Variants in VWA8 observed in about 807,000 individuals in gnomAD.
VWA8 encodes von Willebrand factor A domain containing 8.
In VWA8, 221 loss-of-function variants were observed where a neutral mutation model predicts 241.5. That is an observed-to-expected ratio of 0.91 (90% CI 0.82 to 1.02). VWA8 has a LOEUF of 1.02. Ranked by LOEUF, VWA8 falls within the 50% of genes least tolerant of loss-of-function variation. The pLI, the probability that VWA8 is intolerant of heterozygous loss-of-function variation, is 0.00. For synonymous variants in VWA8, 852 were observed against 827.1 expected, an observed-to-expected ratio of 1.03 and a Z score of -0.52; for missense variants, 2,322 against 2,328.7, an observed-to-expected ratio of 1.00 and a Z score of 0.06.
At chr13:41,732,506 T>TA (rs2045493027) in intron 21 of VWA8, among the ~76,000 whole-genome samples, 1 of 150,182 alleles carries the variant, frequency 6.7e-6, no homozygotes, top group Non-Finnish European at 1.5e-5. Context: ...ATATATGTAT[T>TA]ATATAATATT....
chr13:41,611,712 G>C lies in VWA8; in HGVS notation c.4741C>G (p.Leu1581Val). The C allele has an allele frequency of 6.2e-7, 1 of 1,614,008 alleles. No individual in the cohort carries two copies. Among genetic ancestry groups the C allele is most frequent in the Non-Finnish European group, 8.5e-7 (1 of 1,179,932 alleles). Reference sequence around the variant, plus strand: ...CGGTAAGGGCCTCCTTTGCCACCCAGGCCTGCCGTGTCTCTTCCCCCTGGA... The same window carrying C: ...CGGTAAGGGCCTCCTTTGCCACCCACGCCTGCCGTGTCTCTTCCCCCTGGA... ...GGTGGRDTAG[L>V]GGKGGPYRLD... The change falls in exon 39 of 45, where the codon CTG becomes GTG. Residue 1581 changes from leucine to valine, a missense_variant. Leu to Val is a conservative substitution (Grantham distance 32). Coordinates refer to ENST00000379310, the MANE Select transcript of VWA8 (RefSeq NM_015058.2).
intron 28 of VWA8, among the ~76,000 whole-genome samples, chr13:41,700,855 T>A (rs2045244744): frequency 6.6e-6 from 1 of 152,182 alleles, no homozygotes; most frequent in African/African-American, 2.4e-5. Flanking sequence ...CCACTTCTGT[T>A]TTTATCACCT....
At chr13:41,638,509 G>A (rs2044774022) in intron 37 of VWA8, among the ~76,000 whole-genome samples, 3 of 152,108 alleles carry the variant, frequency 2.0e-5, no homozygotes, top group African/African-American at 4.8e-5. Context: ...GGAGGAGATC[G>A]GGATTATCAT....
intron 9 of VWA8, among the ~76,000 whole-genome samples, chr13:41,874,028 A>G (rs1349824736): frequency 3.9e-5 from 6 of 152,148 alleles, no homozygotes; most frequent in Non-Finnish European, 8.8e-5. Flanking sequence ...GGCTGGTTCA[A>G]TATATGCAAA....
At chr13:41,653,636 C>T (rs573913842) in intron 37 of VWA8, among the ~76,000 whole-genome samples, 1 of 152,266 alleles carries the variant, frequency 6.6e-6, no homozygotes, top group East Asian at 1.9e-4. Flanking sequence ...AAGCTGGAGG[C>T]ATCAAATTAT....
At chr13:41,774,727 T>C (rs1442370415) in intron 20 of VWA8, among the ~76,000 whole-genome samples, 3 of 152,020 alleles carry the variant, frequency 2.0e-5, no homozygotes, top group Non-Finnish European at 4.4e-5. Flanking sequence ...AGAAAGACCC[T>C]AGAAAATATC....
At chr13:41,881,826 C>CCCGGACGGGGCGGCTGG (rs1449351941) in intron 9 of VWA8, among the ~76,000 whole-genome samples, 2 of 147,372 alleles carry the variant, frequency 1.4e-5, no homozygotes, top group Non-Finnish European at 1.5e-5. Context: ...CCCCTCACCT[C>CCCGGACGGGGCGGCTGG]CCGGACGGGG....
At chr13:41,869,086 C>A (rs1230671021) in intron 9 of VWA8, among the ~76,000 whole-genome samples, 1 of 152,004 alleles carries the variant, frequency 6.6e-6, no homozygotes, top group Admixed American at 6.6e-5. Flanking sequence ...GTTTACATTT[C>A]TTGACAATCA....
intron 7 of VWA8, among the ~76,000 whole-genome samples, chr13:41,886,331 T>C (rs1026391261): frequency 6.6e-6 from 1 of 152,134 alleles, no homozygotes; most frequent in African/African-American, 2.4e-5. Context: ...AAGAGTTTTT[T>C]ATGGCCCTAA....
At chr13:41,750,869 T>C (rs2045650623) in intron 21 of VWA8, among the ~76,000 whole-genome samples, 1 of 145,230 alleles carries the variant, frequency 6.9e-6, no homozygotes, top group Non-Finnish European at 1.5e-5. Flanking sequence ...TGTAGAATGT[T>C]ACATAAACAT....
intron 28 of VWA8, among the ~76,000 whole-genome samples, chr13:41,701,153 A>C (rs2045246687): frequency 6.6e-6 from 1 of 152,190 alleles, no homozygotes; most frequent in Admixed American, 6.5e-5. Context: ...TTTGTGCTAC[A>C]ATTGTAATGA....
At chr13:41,725,129 G>A (rs746974013) in intron 24 of VWA8, among the ~76,000 whole-genome samples, 1 of 151,992 alleles carries the variant, frequency 6.6e-6, no homozygotes, top group Non-Finnish European at 1.5e-5. Context: ...GAGAGGAAAA[G>A]GGAAGCTGAA....
At chr13:41,669,974 A>G (rs1464005935) in intron 37 of VWA8, among the ~76,000 whole-genome samples, 8 of 152,192 alleles carry the variant, frequency 5.3e-5, no homozygotes, top group African/African-American at 1.7e-4. Context: ...TGAGGTTTTC[A>G]AAATGTTCCT....
intron 35 of VWA8, among the ~76,000 whole-genome samples, chr13:41,679,739 GTTTAC>G (rs2045084652): frequency 1.3e-5 from 2 of 152,090 alleles, no homozygotes; most frequent in Admixed American, 1.3e-4. Flanking sequence ...GTTGGATTTG[GTTTAC>G]TTTACAAAAT....
chr13:41,660,879 C>CT (rs918525375), intron 37 of VWA8, among the ~76,000 whole-genome samples: 2,181 of 140,968 alleles, frequency 0.015, 22 homozygotes, highest in South Asian at 0.03. Flanking sequence ...AATTGGGTTT[C>CT]TTTTTTTTTT....
chr13:41,881,899 G>C (rs1330980715), intron 9 of VWA8, among the ~76,000 whole-genome samples: 1 of 143,922 alleles, frequency 6.9e-6, no homozygotes, highest in Non-Finnish European at 1.5e-5. Flanking sequence ...CTGGCCTGGC[G>C]GGGGCTGACC....
chr13:41,737,883 T>C (rs1414588066), intron 21 of VWA8, among the ~76,000 whole-genome samples: 1 of 143,516 alleles, frequency 7.0e-6, no homozygotes, highest in Non-Finnish European at 1.6e-5. Flanking sequence ...CAATGTAAAA[T>C]TAAAAAAAAG....
chr13:41,645,767 A>T (rs1312787522), intron 37 of VWA8, among the ~76,000 whole-genome samples: 1 of 152,192 alleles, frequency 6.6e-6, no homozygotes, highest in African/African-American at 2.4e-5. Flanking sequence ...CCAATTTAGG[A>T]TTTGCACTTC....
intron 27 of VWA8, among the ~76,000 whole-genome samples, chr13:41,701,997 CAT>C (rs1340581400): frequency 6.6e-6 from 1 of 152,166 alleles, no homozygotes; most frequent in East Asian, 1.9e-4. Context: ...AAATGCAAAA[CAT>C]GTGGCATTTG....
Sources: gnomAD v4.1 joint callset for allele counts (sites outside exome capture counted in the v4.1 genomes callset) on GRCh38, gnomAD v4.1.1 for gene constraint, MANE v1.5 for transcripts, NCBI Gene and HGNC (gene_info 2026-07-23, HGNC 2026-07-21) for gene names.